NUP37: variants seen among roughly 807,000 people sequenced by gnomAD.
NUP37 encodes the protein nucleoporin Nup37.
A neutral mutation model predicts 45.4 loss-of-function variants in NUP37; 33 were observed. The ratio of observed to expected loss-of-function variants is 0.73; its 90% confidence interval spans 0.55 to 0.97. The LOEUF is 0.97. Ranked by LOEUF, NUP37 falls within the 50% of genes least tolerant of loss-of-function variation. The pLI, the probability that NUP37 is intolerant of heterozygous loss-of-function variation, is 0.00. For missense variants in NUP37, 365 were observed against 389.7 expected (o/e 0.94, Z 0.53); for synonymous variants, 127 against 130.7 (o/e 0.97, Z 0.19).
chr12:102,076,817 C>T lies in NUP37; in HGVS notation c.753G>A (p.Met251Ile). ...SYPQNKRPVH[M>I]DRACLFRWST... The stretch of plus-strand genomic sequence containing the variant: ...ATTACCTGAATAAGCAGGCTCGATC[C>T]ATGTGAACAGGTCTCTTATTTTGAG... Residue 251 changes from methionine to isoleucine, a missense_variant, in exon 8 of 10, where the codon ATG (methionine) becomes ATA (isoleucine). Coordinates refer to ENST00000552283, the MANE Select transcript of NUP37 (RefSeq NM_024057.4). The T allele has an allele frequency of 6.2e-7, 1 of 1,613,480 alleles. No individual in the cohort carries two copies. The highest frequency in any genetic ancestry group is 8.5e-7 in the Non-Finnish European group (1 of 1,179,624).
intron 3 of NUP37, among the ~76,000 whole-genome samples, chr12:102,105,772 G>T (rs560723229): frequency 1.4e-5 from 2 of 145,476 alleles, no homozygotes; most frequent in South Asian, 2.2e-4. Flanking sequence ...GAGGCAGGGA[G>T]AATCACTTGA....
rs930291298 is a variant in NUP37 at position 102,093,329 on chromosome 12, T to C, written c.449+5777A>G. Among the ~76,000 whole-genome samples, 6 of 152,068 alleles carry C rather than the reference T, an allele frequency of 3.9e-5. No individual in the cohort carries two copies. The South Asian group carries it at 6.2e-4, about 16-fold the overall frequency. On this transcript the variant is annotated intron_variant, in intron 5 of 9. Transcript: ENST00000552283. The stretch of plus-strand genomic sequence containing the variant: ...TTGATTTCTTGTAATTGTAAACAAA[T>C]TGAGCAGAAACTACATTTATTATCA...
chr12:102,081,762 G>A (rs1212172573), intron 6 of NUP37, among the ~76,000 whole-genome samples: 1 of 151,446 alleles, frequency 6.6e-6, no homozygotes, highest in Non-Finnish European at 1.5e-5. Flanking sequence ...CCAGGCTGAA[G>A]GGCTCACTGC....
At chr12:102,076,959 C>G (rs1490113445) in intron 7 of NUP37, 112 bp from the exon 8 acceptor site, 4 of 749,680 alleles carry the variant, frequency 5.3e-6, no homozygotes, top group Non-Finnish European at 8.9e-6. Context: ...TGTGTTTAAA[C>G]TATAATAAAT....
chr12:102,080,317 G>A (rs141748287), intron 6 of NUP37, among the ~76,000 whole-genome samples: 1 of 152,218 alleles, frequency 6.6e-6, no homozygotes, highest in African/African-American at 2.4e-5. Flanking sequence ...AGATACTCAG[G>A]AGGCTGAGGC....
intron 6 of NUP37, among the ~76,000 whole-genome samples, chr12:102,079,740 TA>T (rs1310446252): frequency 2.0e-5 from 3 of 151,080 alleles, no homozygotes; most frequent in Admixed American, 6.6e-5. Flanking sequence ...AGTAAAATTT[TA>T]CACAGTAAAA....
chr12:102,101,421 A>G (rs556586567), intron 3 of NUP37, among the ~76,000 whole-genome samples: 1 of 152,212 alleles, frequency 6.6e-6, no homozygotes, highest in Non-Finnish European at 1.5e-5. Context: ...ACGTTTTCTT[A>G]AAAGCATAAA....
At position 102,118,442 on chromosome 12, in the gene NUP37, G is replaced by A; in HGVS notation, c.77C>T (p.Pro26Leu). The A allele has an allele frequency of 6.2e-7, 1 of 1,613,650 alleles. No homozygotes were observed. The highest frequency in any genetic ancestry group is 8.5e-7 in the Non-Finnish European group (1 of 1,179,918). The change falls in exon 2 of 10, where the codon CCC becomes CTC. Residue 26 changes from proline to leucine, a missense_variant. Pro to Leu is a moderately conservative substitution (Grantham distance 98). Transcript: ENST00000552283. Reference protein sequence around the residue: ...EDYVHVVEFNPFENGDSGNLI... With the variant: ...EDYVHVVEFNLFENGDSGNLI... ...GTTTCCTGAATCCCCATTCTCAAAG[G>A]GATTAAATTCTACCACATGCACATA...
At chr12:102,088,174 G>A (rs971035476) in intron 5 of NUP37, among the ~76,000 whole-genome samples, 1 of 152,108 alleles carries the variant, frequency 6.6e-6, no homozygotes, top group Non-Finnish European at 1.5e-5. Flanking sequence ...AACTAAATTA[G>A]CTACAGATGG....
intron 2 of NUP37, among the ~76,000 whole-genome samples, chr12:102,113,839 T>C (rs1467785401): frequency 6.6e-6 from 1 of 152,238 alleles, no homozygotes; most frequent in African/African-American, 2.4e-5. Flanking sequence ...TTATAATGTA[T>C]ACTCGAATGA....
chr12:102,119,065 C>A (rs1880601855), intron 1 of NUP37: 1 of 152,312 alleles, frequency 6.6e-6, no homozygotes, highest in African/African-American at 2.4e-5. Flanking sequence ...AGCTCATAAG[C>A]AGGGCCAGGA....
chr12:102,104,301 T>A (rs1880059908), intron 3 of NUP37, among the ~76,000 whole-genome samples: 1 of 152,198 alleles, frequency 6.6e-6, no homozygotes, highest in Admixed American at 6.5e-5. Flanking sequence ...TTTTGAATCA[T>A]TTTTAAATTG....
chr12:102,097,912 CT>C (rs1438654241), intron 5 of NUP37, among the ~76,000 whole-genome samples: 1 of 151,872 alleles, frequency 6.6e-6, no homozygotes, highest in Non-Finnish European at 1.5e-5. Context: ...GAATAATGGC[CT>C]ATGACTCTAT....
intron 2 of NUP37, 72 bp downstream of exon 2, chr12:102,118,291 G>T (rs2136763018): frequency 1.4e-5 from 19 of 1,333,794 alleles, no homozygotes; most frequent in South Asian, 4.7e-5. Context: ...TCAAAGTTTA[G>T]ATTTGGTTTG....
At chr12:102,084,595 GA>G (rs1254564039) in intron 6 of NUP37, among the ~76,000 whole-genome samples, 1 of 152,020 alleles carries the variant, frequency 6.6e-6, no homozygotes, top group Non-Finnish European at 1.5e-5. Context: ...AGTGAATGAT[GA>G]ATGCTAGAGT....
chr12:102,091,315 T>C (rs760428386), intron 5 of NUP37, among the ~76,000 whole-genome samples: 10 of 146,354 alleles, frequency 6.8e-5, no homozygotes, highest in Non-Finnish European at 1.5e-4. Context: ...GGAGAACTGC[T>C]TGAATCTGGG....
intron 6 of NUP37, among the ~76,000 whole-genome samples, chr12:102,083,641 C>T (rs1357684299): frequency 6.6e-6 from 1 of 151,992 alleles, no homozygotes; most frequent in African/African-American, 2.4e-5. Context: ...TCTTTTATTC[C>T]CTATTACAAT....
At position 102,112,174 on chromosome 12, in the gene NUP37, C is replaced by A; in HGVS notation, c.215G>T (p.Gly72Val). Residue 72 changes from glycine (G) to valine (V), a missense_variant, in exon 3 of 10, where the codon GGA (glycine) becomes GTA (valine). By Grantham distance (109) the Gly-to-Val change is moderately radical (BLOSUM62 -3). Coordinates refer to ENST00000552283, the MANE Select transcript of NUP37 (RefSeq NM_024057.4). Reference sequence around the variant, plus strand: ...CCAAGCTATGCCATCAACCCTGACTCCATGGTGAAATGTTCGAAGTGTTTT... The same window carrying A: ...CCAAGCTATGCCATCAACCCTGACTACATGGTGAAATGTTCGAAGTGTTTT... ...QYKTLRTFHH[G>V]VRVDGIAWSP... is the part of the protein sequence containing the mutation. The A allele has an allele frequency of 3.7e-6, 6 of 1,613,628 alleles. No homozygotes were observed. The highest frequency in any genetic ancestry group is 2.2e-5 in the East Asian group (1 of 44,848).
At chr12:102,116,105 T>C (rs1252179898) in intron 2 of NUP37, among the ~76,000 whole-genome samples, 1 of 152,214 alleles carries the variant, frequency 6.6e-6, no homozygotes, top group East Asian at 1.9e-4. Context: ...ACAATACATG[T>C]GACCATAAAC....
Sources: allele counts gnomAD v4.1 joint callset (sites outside exome capture counted in the v4.1 genomes callset), GRCh38; gene constraint gnomAD v4.1.1; transcripts MANE v1.5; gene names NCBI Gene and HGNC (gene_info 2026-07-23, HGNC 2026-07-21).